The following LHX9 variants were observed in gnomAD, a reference collection of about 807,000 sequenced individuals.
The protein encoded by LHX9 is LIM homeobox 9, also known as LIM/homeobox protein Lhx9.
LHX9 carries 9 observed loss-of-function variants against 36.5 expected under a neutral mutation model. The observed-to-expected ratio is 0.25, with a 90% CI of 0.15 to 0.43. LHX9 has a LOEUF of 0.43. Ranked by LOEUF, LHX9 falls within the 20% of genes least tolerant of loss-of-function variation. The pLI, the probability that LHX9 is intolerant of heterozygous loss-of-function variation, is 1.00. For synonymous variants in LHX9, 211 were observed against 212.1 expected, an observed-to-expected ratio of 0.99 and a Z score of 0.04; for missense variants, 464 against 526.4, an observed-to-expected ratio of 0.88 and a Z score of 1.16.
Position 197,929,096 on chromosome 1 carries a change from C to T in LHX9, c.1031C>T (p.Ala344Val), listed in dbSNP as rs1447607246. The T allele has an allele frequency of 1.2e-6, 2 of 1,613,588 alleles. No homozygotes were observed. The highest frequency in any genetic ancestry group is 1.3e-5 in the African/African-American group (1 of 74,886). Residue 344 changes from alanine (A) to valine (V), a missense_variant, in exon 5 of 5, where the codon GCC becomes GTC. Transcript: ENST00000367387. The stretch of plus-strand genomic sequence containing the variant: ...AAAGCTGACGGCACGTCGCTTCCGG[C>T]CCCGCCCTCAGCAGACAGCGGAGCT... ...VDKADGTSLP[A>V]PPSADSGALT...
chr1:197,918,975 G>GT (rs1266486180), intron 1 of LHX9, among the ~76,000 whole-genome samples: 5 of 152,114 alleles, frequency 3.3e-5, no homozygotes, highest in East Asian at 1.9e-4. Flanking sequence ...GTCTATATTT[G>GT]TAACACTCAT....
chr1:197,918,156 G>A (rs1162728522), intron 1 of LHX9, among the ~76,000 whole-genome samples, 159 bp downstream of exon 1: 2 of 152,228 alleles, frequency 1.3e-5, no homozygotes, highest in Admixed American at 1.3e-4. Flanking sequence ...TGCCTACAGG[G>A]CTAAGAAACG....
upstream of LHX9, chr1:197,917,231 G>A: frequency 2.5e-6 from 3 of 1,197,936 alleles, no homozygotes; most frequent in Non-Finnish European, 3.2e-6. Flanking sequence ...CCATCACCAG[G>A]GGGTTGAGAG....
At chr1:197,914,791 C>A (rs1659703186), upstream of LHX9, among the ~76,000 whole-genome samples, 1 of 152,160 alleles carries the variant, frequency 6.6e-6, no homozygotes, top group Non-Finnish European at 1.5e-5. Context: ...TGGCAGTTTG[C>A]TTCTTTACAG....
Position 197,920,202 on chromosome 1 carries a change from G to T in LHX9, c.377+28G>T, listed in dbSNP as rs201767300. 18 of 1,605,796 alleles carry T rather than the reference G, an allele frequency of 1.1e-5. No homozygotes were observed. In the Admixed American group the frequency reaches 2.0e-4, roughly 18 times the overall value. On this transcript the variant is annotated intron_variant, in intron 2 of 4. Transcript: ENST00000367387. The stretch of plus-strand genomic sequence containing the variant: ...ACTCCCCTACACCCCCACTTCCTAC[G>T]CCCGAGTACACCTGGAGGGGCCATC...
intron 3 of LHX9, among the ~76,000 whole-genome samples, chr1:197,925,794 A>G (rs933165903): frequency 1.3e-5 from 2 of 152,202 alleles, no homozygotes; most frequent in Non-Finnish European, 2.9e-5. Context: ...TCGAATGTAT[A>G]TATCTGACTT....
At chr1:197,918,092 G>T in intron 1 of LHX9, 95 bp downstream of exon 1, 1 of 1,404,886 alleles carries the variant, frequency 7.1e-7, no homozygotes, top group Non-Finnish European at 9.7e-7. Flanking sequence ...CGGAGCGGCG[G>T]GTCGTAGAGA....
rs746551737 is a variant in LHX9 at position 197,920,148 on chromosome 1, C to A, written c.351C>A (p.Ser117Arg). The A allele has an allele frequency of 6.2e-7, 1 of 1,614,240 alleles. No homozygotes were observed. Among genetic ancestry groups the A allele is most frequent in the South Asian group, 1.1e-5 (1 of 91,088 alleles). Residue 117 changes from serine to arginine, a missense_variant, in exon 2 of 5, where the codon AGC (serine) becomes AGA (arginine). Physicochemically the swap from Ser to Arg is moderately radical, Grantham distance 110. Coordinates refer to ENST00000367387, the MANE Select transcript of LHX9 (RefSeq NM_020204.3). ...SELTCFAKDG[S>R]IYCKEDYYRR... is the part of the protein sequence containing the mutation. ...TCACCTGCTTTGCCAAGGACGGTAG[C>A]ATTTACTGCAAGGAGGATTACTACA...
intron 3 of LHX9, among the ~76,000 whole-genome samples, chr1:197,923,271 G>A (rs745541654): frequency 3.9e-5 from 6 of 152,236 alleles, no homozygotes; most frequent in Non-Finnish European, 7.3e-5. Flanking sequence ...TGAGGGCAGC[G>A]GGCGAAGCCC....
rs149860249 is a variant in LHX9, at chr1:197,919,717, C to G, written c.175-255C>G. 3.9e-5 allele frequency among the ~76,000 whole-genome samples: 6 copies of G among 152,350 alleles called. No homozygotes were observed. The East Asian group carries it at 9.6e-4, about 24-fold the overall frequency. ...TCCTAGTCCTTTTTAAGCGAGGCTC[C>G]GGATGGCTGGGATGTCTTTAGGTTA... On this transcript the variant is annotated intron_variant, in intron 1 of 4. Coordinates refer to ENST00000367387, the MANE Select transcript of LHX9 (RefSeq NM_020204.3).
intron 1 of LHX9, 125 bp from the exon 2 acceptor site, chr1:197,919,847 G>A (rs1659911621): frequency 1.2e-6 from 1 of 853,330 alleles, no homozygotes; most frequent in Non-Finnish European, 1.8e-6. Context: ...TTGCCTTTGT[G>A]CAGTGGACCC....
In LHX9 at chr1:197,919,749, C is replaced by T. The variant is rs560287383; in HGVS notation, c.175-223C>T. Reference sequence around the variant, plus strand: ...CTGGGATGTCTTTAGGTTAGTAGTCCCGGGAGGACGCGAACGCCGGTTCAG... The same window carrying T: ...CTGGGATGTCTTTAGGTTAGTAGTCTCGGGAGGACGCGAACGCCGGTTCAG... On this transcript the variant is annotated intron_variant, in intron 1 of 4. Transcript: ENST00000367387. Among the ~76,000 whole-genome samples, 7 of 152,326 alleles carry T rather than the reference C, an allele frequency of 4.6e-5. No individual in the cohort carries two copies. The South Asian group carries it at 1.5e-3, about 32-fold the overall frequency.
upstream of LHX9, chr1:197,917,274 A>T: frequency 8.2e-7 from 1 of 1,221,568 alleles, no homozygotes; most frequent in Non-Finnish European, 1.0e-6. Context: ...CTGAATAAAA[A>T]TCCGTGGCAG....
rs142625651 is a variant in LHX9, at chr1:197,929,911, T to G, written c.*652T>G. The G allele has an allele frequency of 6.1e-5, 59 of 972,568 alleles. No individual in the cohort carries two copies. The African/African-American group carries it at 9.5e-4, about 16-fold the overall frequency. The allele number at this position is 972,568 out of a possible 1,614,324, so 60.2% of individuals were successfully genotyped here. On this transcript the variant is annotated 3_prime_UTR_variant, in exon 5 of 5. Transcript: ENST00000367387. The stretch of plus-strand genomic sequence containing the variant: ...ATGTGACTTTTCCTTCTCTTAGGGG[T>G]GTACAACTCTAAAAACTTTTTACTT...
chr1:197,920,199 T>G lies in LHX9; in HGVS notation c.377+25T>G, dbSNP rs925747833. ...GGTACTCCCCTACACCCCCACTTCC[T>G]ACGCCCGAGTACACCTGGAGGGGCC... is the stretch of plus-strand genomic sequence containing the variant. On this transcript the variant is annotated intron_variant, in intron 2 of 4. Coordinates refer to ENST00000367387, the MANE Select transcript of LHX9 (RefSeq NM_020204.3). 3 of 1,606,058 alleles carry G rather than the reference T, an allele frequency of 1.9e-6. No homozygotes were observed. In the East Asian group the frequency reaches 6.7e-5, roughly 36 times the overall value.
At chr1:197,922,843 G>A (rs1238682161) in intron 3 of LHX9, among the ~76,000 whole-genome samples, 2 of 152,162 alleles carry the variant, frequency 1.3e-5, no homozygotes, top group African/African-American at 2.4e-5. Flanking sequence ...ATGGGATCTT[G>A]CCTGTTTTTC....
At position 197,932,953 on chromosome 1, in the gene LHX9, G is replaced by A. The variant is rs943352918; in HGVS notation, c.*3694G>A. ...TTGCTATGCAATGAACAAATTTATT[G>A]ATGTATACAAATATATTCTGAACTA... is the stretch of plus-strand genomic sequence containing the variant. On this transcript the variant is annotated 3_prime_UTR_variant, in exon 5 of 5. Coordinates refer to ENST00000367387, the MANE Select transcript of LHX9 (RefSeq NM_020204.3). The A allele has an allele frequency of 2.0e-5, 3 of 151,828 alleles. No individual in the cohort carries two copies. The highest frequency in any genetic ancestry group is 7.2e-5 in the African/African-American group (3 of 41,406). 9.4% of individuals were successfully genotyped at this position (151,828 alleles called of 1,614,324 possible). A position where few individuals can be genotyped will look rare whatever the true frequency, so the allele number is the denominator to read the frequency against.
chr1:197,921,218 C>T lies in LHX9; in HGVS notation c.378-86C>T, dbSNP rs868710235. On this transcript the variant is annotated intron_variant, in intron 2 of 4. Transcript: ENST00000367387. The surrounding 1 kb of genome is among the most constrained non-coding windows in gnomAD (Gnocchi z 4.6). Reference sequence around the variant, plus strand: ...ACCCTCCCAGGTCCCAGTCTCAGGCCACTGCAGACCAAACCCAGGTGTCGC... The same window carrying T: ...ACCCTCCCAGGTCCCAGTCTCAGGCTACTGCAGACCAAACCCAGGTGTCGC... 1.8e-6 allele frequency: 2 copies of T among 1,102,968 alleles called. No homozygotes were observed. The highest frequency in any genetic ancestry group is 4.4e-5 in the Admixed American group (2 of 45,972). 68.3% of individuals were successfully genotyped at this position (1,102,968 alleles called of 1,614,324 possible).
At position 197,934,598 on chromosome 1, in the gene LHX9, G is replaced by T. The variant is rs1007518247; in HGVS notation, c.*5339G>T. The T allele has an allele frequency of 2.0e-5, 3 of 152,112 alleles. No homozygotes were observed. The highest frequency in any genetic ancestry group is 4.4e-5 in the Non-Finnish European group (3 of 68,018). The allele number at this position is 152,112 out of a possible 1,614,324, so 9.4% of individuals were successfully genotyped here. A position where few individuals can be genotyped will look rare whatever the true frequency, so the allele number is the denominator to read the frequency against. ...GGCAAAATAAGCACAGTAGGACTTA[G>T]TCCAAATTGACGAAATATCATTGAA... On this transcript the variant is annotated 3_prime_UTR_variant, in exon 5 of 5. Coordinates refer to ENST00000367387, the MANE Select transcript of LHX9 (RefSeq NM_020204.3).
Sources: allele counts gnomAD v4.1 joint callset (sites outside exome capture counted in the v4.1 genomes callset), GRCh38; gene constraint gnomAD v4.1.1; non-coding constraint Gnocchi (gnomAD v3.1); transcripts MANE v1.5; gene names NCBI Gene and HGNC (gene_info 2026-07-23, HGNC 2026-07-21).